WDR27: variants seen among roughly 807,000 people sequenced by gnomAD.
WDR27 encodes WD repeat-containing protein 27.
WDR27 carries 100 observed loss-of-function variants against 114.4 expected under a neutral mutation model. The observed-to-expected ratio is 0.87, with a 90% CI of 0.74 to 1.03. The LOEUF (loss-of-function observed/expected upper bound fraction) is 1.03. WDR27 is among the 50% of genes least tolerant of loss of function. The probability of loss-of-function intolerance (pLI) is 0.00; values close to 1 mark genes in which losing one functional copy is unlikely to be tolerated. For synonymous variants in WDR27, 449 were observed against 423.1 expected, an observed-to-expected ratio of 1.06 and a Z score of -0.75; for missense variants, 1,129 against 1,092.9, an observed-to-expected ratio of 1.03 and a Z score of -0.47.
chr6:169,610,134 A>C (rs185758853), intron 22 of WDR27, among the ~76,000 whole-genome samples: 1 of 152,194 alleles, frequency 6.6e-6, no homozygotes, highest in African/African-American at 2.4e-5. Flanking sequence ...ACAAGTCTCT[A>C]AGAACTTGCA....
intron 13 of WDR27, 131 bp downstream of exon 13, chr6:169,658,145 G>T: frequency 2.7e-6 from 2 of 737,134 alleles, no homozygotes. Context: ...GAGACATGAA[G>T]GACAGAAGGA....
chr6:169,569,921 G>A (rs1224916867), intron 25 of WDR27, among the ~76,000 whole-genome samples: 1 of 151,242 alleles, frequency 6.6e-6, no homozygotes, highest in Non-Finnish European at 1.5e-5. Context: ...ACAAAACCCA[G>A]AGCCATCTAC....
chr6:169,615,280 A>C (rs947256427), intron 21 of WDR27, among the ~76,000 whole-genome samples: 1 of 152,128 alleles, frequency 6.6e-6, no homozygotes, highest in Non-Finnish European at 1.5e-5. Context: ...TTATATAAGT[A>C]AACTTGTGGC....
At chr6:169,527,610 T>G (rs1452006200) in intron 25 of WDR27, among the ~76,000 whole-genome samples, 1 of 152,194 alleles carries the variant, frequency 6.6e-6, no homozygotes, top group Non-Finnish European at 1.5e-5. Flanking sequence ...TTAAAAATGA[T>G]GAATTTTAAG....
the WDR27 span, among the ~76,000 whole-genome samples, chr6:169,443,281 G>A: frequency 6.6e-6 from 1 of 152,182 alleles, no homozygotes; most frequent in Non-Finnish European, 1.5e-5. Context: ...CTGGGTACTT[G>A]GAACTAAGAG....
chr6:169,615,574 C>T (rs1811622282), intron 21 of WDR27, among the ~76,000 whole-genome samples: 1 of 152,116 alleles, frequency 6.6e-6, no homozygotes, highest in African/African-American at 2.4e-5. Flanking sequence ...GGATAACTGG[C>T]TAAATGTGCA....
Position 169,582,922 on chromosome 6 carries a change from C to G in WDR27, c.2437G>C (p.Glu813Gln), listed in dbSNP as rs374609796. Reference sequence around the variant, plus strand: ...TGAGAAAACGTGCTTGAGCCCATTTCATACACGTAAGCCTACAAGACAAGA... The same window carrying G: ...TGAGAAAACGTGCTTGAGCCCATTTGATACACGTAAGCCTACAAGACAAGA... ...GAEDRHAYVYEMGSSTFSHRL... is the reference protein window; with the variant it reads ...GAEDRHAYVYQMGSSTFSHRL... Residue 813 changes from glutamate to glutamine, a missense_variant, in exon 24 of 26, where the codon GAA becomes CAA. By Grantham distance (29) the Glu-to-Gln change is conservative. Transcript: ENST00000448612. 3.5e-5 allele frequency: 56 copies of G among 1,613,734 alleles called. No homozygotes were observed. In the African/African-American group the frequency reaches 6.8e-4, roughly 20 times the overall value.
Position 169,634,473 on chromosome 6 carries a change from C to T in WDR27, c.2056G>A (p.Ala686Thr), listed in dbSNP as rs1562761720. 7.4e-6 allele frequency: 12 copies of T among 1,613,366 alleles called. No individual in the cohort carries two copies. The Middle Eastern group carries it at 6.6e-4, about 89-fold the overall frequency. Residue 686 changes from alanine to threonine, a missense_variant, in exon 20 of 26, where the codon GCA becomes ACA. Coordinates refer to ENST00000448612, the MANE Select transcript of WDR27 (RefSeq NM_182552.5). ...GCCGATAAACTGGTCATGTCTACTGCACCCGTCGTGGAGAGCCTGCAAATC... is the reference window on the plus strand; with the variant it reads ...GCCGATAAACTGGTCATGTCTACTGTACCCGTCGTGGAGAGCCTGCAAATC... ...KLICRLSTTG[A>T]VDMTSLSAVN...
intron 25 of WDR27, among the ~76,000 whole-genome samples, chr6:169,533,418 A>T (rs1235989249): frequency 1.3e-5 from 2 of 152,212 alleles, no homozygotes; most frequent in African/African-American, 4.8e-5. Context: ...GGAAATAACA[A>T]AAGTGACTAA....
At chr6:169,543,834 T>C (rs1476340657) in intron 25 of WDR27, among the ~76,000 whole-genome samples, 1 of 152,214 alleles carries the variant, frequency 6.6e-6, no homozygotes, top group African/African-American at 2.4e-5. Context: ...TAAAATCTAC[T>C]GGTGTATCTT....
intron 23 of WDR27, among the ~76,000 whole-genome samples, chr6:169,591,441 C>T (rs1188331897): frequency 6.6e-6 from 1 of 152,144 alleles, no homozygotes; most frequent in Non-Finnish European, 1.5e-5. Flanking sequence ...ATAACTTTCC[C>T]TTACCAAGTA....
At chr6:169,674,685 G>A (rs183239390) in intron 2 of WDR27, among the ~76,000 whole-genome samples, 1 of 152,290 alleles carries the variant, frequency 6.6e-6, no homozygotes, top group East Asian at 1.9e-4. Context: ...TCCAAATTTT[G>A]ATGAAAACCA....
rs1178691902 is a variant in WDR27 at position 169,602,218 on chromosome 6, C to T, written c.2424+1G>A. 2.3e-5 allele frequency: 35 copies of T among 1,549,136 alleles called. No homozygotes were observed. The Admixed American group carries it at 4.7e-4, about 21-fold the overall frequency. ...TTTATAGACAGTCAAACAGTACATACGTGTCTGTCCTCGGCCCCACAAGCC... is the reference window on the plus strand; with the variant it reads ...TTTATAGACAGTCAAACAGTACATATGTGTCTGTCCTCGGCCCCACAAGCC... On this transcript the variant is annotated splice_donor_variant, in intron 23 of 25. Coordinates refer to ENST00000448612, the MANE Select transcript of WDR27 (RefSeq NM_182552.5). LOFTEE classifies it high-confidence loss of function.
chr6:169,642,369 C>T (rs7762296), intron 17 of WDR27, among the ~76,000 whole-genome samples: 62,081 of 151,376 alleles, frequency 0.41, 14,306 homozygotes, highest in East Asian at 0.74. Flanking sequence ...TACATTTTTT[C>T]AGTTTAGTGA....
chr6:169,537,787 A>G (rs1584057188), intron 25 of WDR27, among the ~76,000 whole-genome samples: 1 of 152,194 alleles, frequency 6.6e-6, no homozygotes, highest in Admixed American at 6.5e-5. Context: ...GAGTATTCTG[A>G]AGCAGCCCAG....
chr6:169,488,672 C>T (rs1039621459), intron 25 of WDR27, among the ~76,000 whole-genome samples: 3 of 152,174 alleles, frequency 2.0e-5, no homozygotes, highest in Admixed American at 1.3e-4. Flanking sequence ...TTCCCTTTTC[C>T]TAACTTTGTG....
At chr6:169,662,555 GA>G in intron 8 of WDR27, 131 bp from the exon 9 acceptor site, 1 of 1,210,574 alleles carries the variant, frequency 8.3e-7, no homozygotes, top group South Asian at 1.5e-5. Context: ...ACGCGTCGAG[GA>G]AAGCACTAAG....
At chr6:169,567,617 C>T (rs530599545) in intron 25 of WDR27, among the ~76,000 whole-genome samples, 4 of 152,248 alleles carry the variant, frequency 2.6e-5, no homozygotes, top group Non-Finnish European at 4.4e-5. Flanking sequence ...CTGAAGGCGG[C>T]GTGCTGAGAA....
At chr6:169,536,783 A>C (rs1318549110) in intron 25 of WDR27, among the ~76,000 whole-genome samples, 1 of 152,162 alleles carries the variant, frequency 6.6e-6, no homozygotes, top group Non-Finnish European at 1.5e-5. Flanking sequence ...GAGGCACAAG[A>C]AAAGCAGGAA....
Sources: gnomAD v4.1 joint callset for allele counts (sites outside exome capture counted in the v4.1 genomes callset) on GRCh38, gnomAD v4.1.1 for gene constraint, MANE v1.5 for transcripts, NCBI Gene and HGNC (gene_info 2026-07-23, HGNC 2026-07-21) for gene names.